The following VPS13B variants were observed in gnomAD, a reference collection of about 807,000 sequenced individuals.
VPS13B encodes the protein vacuolar protein sorting 13 homolog B.
Under a neutral mutation model 426.4 loss-of-function variants are expected in VPS13B, and 285 were observed. That is an observed-to-expected ratio of 0.67 (90% CI 0.61 to 0.74). The LOEUF is 0.74. Among genes scored for constraint, VPS13B ranks in the 30% least tolerant of loss-of-function variants. The pLI is 0.00. For synonymous variants in VPS13B, 1,676 were observed against 1,676.4 expected, an observed-to-expected ratio of 1.00 and a Z score of 0.01; for missense variants, 4,537 against 4,782.6, an observed-to-expected ratio of 0.95 and a Z score of 1.51.
At chr8:99,362,334 G>C (rs762227008) in intron 19 of VPS13B, among the ~76,000 whole-genome samples, 2 of 151,730 alleles carry the variant, frequency 1.3e-5, no homozygotes, top group African/African-American at 4.8e-5. Flanking sequence ...AGTAGAGCCC[G>C]GGTTTCACTG....
intron 2 of VPS13B, among the ~76,000 whole-genome samples, chr8:99,021,779 A>G (rs1841905869): frequency 6.6e-6 from 1 of 152,044 alleles, no homozygotes; most frequent in Admixed American, 6.5e-5. Context: ...TGCCCGAATA[A>G]TTTTTATACT....
chr8:99,144,713 C>G (rs558563820), intron 13 of VPS13B, among the ~76,000 whole-genome samples: 1 of 152,048 alleles, frequency 6.6e-6, no homozygotes, highest in East Asian at 1.9e-4. Flanking sequence ...GAATGCCTAC[C>G]CTGTGCCAGA....
intron 23 of VPS13B, among the ~76,000 whole-genome samples, chr8:99,466,934 C>G (rs1252363648): frequency 6.6e-6 from 1 of 152,178 alleles, no homozygotes; most frequent in African/African-American, 2.4e-5. Flanking sequence ...CAAGTTGAAT[C>G]TGTTCCTCTA....
At chr8:99,768,668 G>T (rs1811344991) in intron 40 of VPS13B, among the ~76,000 whole-genome samples, 1 of 151,876 alleles carries the variant, frequency 6.6e-6, no homozygotes, top group East Asian at 1.9e-4. Flanking sequence ...AGGTCATTTG[G>T]GCTCTTTAAA....
At chr8:99,195,209 G>A (rs966382877) in intron 17 of VPS13B, among the ~76,000 whole-genome samples, 1 of 152,100 alleles carries the variant, frequency 6.6e-6, no homozygotes, top group African/African-American at 2.4e-5. Flanking sequence ...TCATCATTTT[G>A]AGAATGGCCA....
intron 36 of VPS13B, among the ~76,000 whole-genome samples, chr8:99,708,849 C>CTCTCTATATA (rs201729748): frequency 4.1e-5 from 6 of 147,224 alleles, no homozygotes; most frequent in Admixed American, 1.4e-4. Context: ...CTCTCTCTCT[C>CTCTCTATATA]TATATATATA....
chr8:99,220,674 T>C (rs1208642140), intron 17 of VPS13B, among the ~76,000 whole-genome samples: 2 of 152,170 alleles, frequency 1.3e-5, no homozygotes, highest in Admixed American at 1.3e-4. Context: ...GAATCTGTAC[T>C]TTGAACATGA....
chr8:99,358,002 T>TCACACACACACACACA (rs34418547), intron 19 of VPS13B, among the ~76,000 whole-genome samples: 6 of 144,416 alleles, frequency 4.2e-5, no homozygotes, highest in African/African-American at 1.5e-4. Flanking sequence ...GGATTAAATA[T>TCACACACACACACACA]CACACACACA....
At chr8:99,069,418 A>G (rs1272784547) in intron 3 of VPS13B, among the ~76,000 whole-genome samples, 3 of 152,250 alleles carry the variant, frequency 2.0e-5, no homozygotes, top group Admixed American at 6.5e-5. Flanking sequence ...TGACAGAACA[A>G]GAGCATGTCT....
intron 17 of VPS13B, among the ~76,000 whole-genome samples, chr8:99,205,330 A>T (rs2132772322): frequency 6.6e-6 from 1 of 152,210 alleles, no homozygotes; most frequent in Non-Finnish European, 1.5e-5. Context: ...CAGGGAGGGG[A>T]ACATCACACA....
chr8:99,232,497 G>A (rs1294138454), intron 17 of VPS13B, among the ~76,000 whole-genome samples: 1 of 151,916 alleles, frequency 6.6e-6, no homozygotes, highest in Non-Finnish European at 1.5e-5. Context: ...GTCTAGAAAA[G>A]CCTGCTTTCT....
chr8:99,462,724 T>G (rs889830302), intron 23 of VPS13B, among the ~76,000 whole-genome samples: 1 of 152,138 alleles, frequency 6.6e-6, no homozygotes, highest in Non-Finnish European at 1.5e-5. Flanking sequence ...GTTTATGAGG[T>G]GGGGCATTTA....
At chr8:99,454,682 T>TA (rs1818359631) in intron 23 of VPS13B, among the ~76,000 whole-genome samples, 1 of 152,266 alleles carries the variant, frequency 6.6e-6, no homozygotes, top group Admixed American at 6.5e-5. Context: ...GATCGTATGG[T>TA]AAAAATGTTT....
chr8:99,568,309 G>A (rs972255422), intron 31 of VPS13B, among the ~76,000 whole-genome samples: 2 of 135,414 alleles, frequency 1.5e-5, no homozygotes, highest in African/African-American at 5.4e-5. Flanking sequence ...ATTTTTTTTT[G>A]AGACGGAGTC....
chr8:99,313,457 T>A (rs992654739), intron 19 of VPS13B, among the ~76,000 whole-genome samples: 3 of 152,204 alleles, frequency 2.0e-5, no homozygotes, highest in Non-Finnish European at 4.4e-5. Flanking sequence ...TGCCTGGGTA[T>A]CAGCAGCGGA....
chr8:99,568,542 C>T (rs1399693135), intron 31 of VPS13B, among the ~76,000 whole-genome samples: 4 of 152,022 alleles, frequency 2.6e-5, no homozygotes, highest in Non-Finnish European at 5.9e-5. Flanking sequence ...CCACCCACCT[C>T]GGCCTCCCAA....
intron 33 of VPS13B, among the ~76,000 whole-genome samples, chr8:99,639,998 TAA>T (rs1563838590): frequency 2.1e-5 from 1 of 47,074 alleles, no homozygotes; most frequent in Non-Finnish European, 3.9e-5. Flanking sequence ...ATAATAATAA[TAA>T]TAATAATAAT....
chr8:99,073,348 C>T (rs1224770213), intron 3 of VPS13B, among the ~76,000 whole-genome samples: 1 of 152,108 alleles, frequency 6.6e-6, no homozygotes, highest in Non-Finnish European at 1.5e-5. Flanking sequence ...AATATTAATT[C>T]CTCTAATCTA....
intron 17 of VPS13B, among the ~76,000 whole-genome samples, chr8:99,212,053 C>T (rs181333020): frequency 1.7e-4 from 26 of 151,880 alleles, no homozygotes; most frequent in African/African-American, 5.3e-4. Flanking sequence ...CCACCACGCC[C>T]GGCTAATTTT....
Sources: gnomAD v4.1 joint callset for allele counts (sites outside exome capture counted in the v4.1 genomes callset) on GRCh38, gnomAD v4.1.1 for gene constraint, MANE v1.5 for transcripts, NCBI Gene and HGNC (gene_info 2026-07-23, HGNC 2026-07-21) for gene names.